ALMS1: variants seen among roughly 807,000 people sequenced by gnomAD.
ALMS1 encodes the protein centrosome-associated protein ALMS1.
ALMS1 carries 271 observed loss-of-function variants against 352.2 expected under a neutral mutation model. The observed-to-expected ratio is 0.77, with a 90% CI of 0.70 to 0.85. ALMS1 has a LOEUF of 0.85. Among genes scored for constraint, ALMS1 ranks in the 40% least tolerant of loss-of-function variants. The pLI is 0.00. For synonymous variants in ALMS1, 1,865 were observed against 1,761.2 expected (o/e 1.06, Z -1.48); for missense variants, 5,445 against 4,870.7 (o/e 1.12, Z -3.51).
chr2:73,496,167 A>G (rs182749625), intron 10 of ALMS1, among the ~76,000 whole-genome samples: 5 of 152,272 alleles, frequency 3.3e-5, no homozygotes, highest in Admixed American at 6.5e-5. Flanking sequence ...GTGCTTTACA[A>G]TTCTATCCAT....
At chr2:73,494,999 AAGG>A (rs1302557159) in intron 10 of ALMS1, among the ~76,000 whole-genome samples, 1 of 152,118 alleles carries the variant, frequency 6.6e-6, no homozygotes, top group Non-Finnish European at 1.5e-5. Flanking sequence ...ATTCTTCTGT[AAGG>A]AGAATTGTTC....
chr2:73,554,231 C>CAA (rs772330546), intron 13 of ALMS1, among the ~76,000 whole-genome samples: 2 of 91,368 alleles, frequency 2.2e-5, no homozygotes. Context: ...AATTCCAGGA[C>CAA]AAAAAAAAAA....
chr2:73,399,972 T>C (rs1670841261), intron 1 of ALMS1, among the ~76,000 whole-genome samples: 1 of 146,824 alleles, frequency 6.8e-6, no homozygotes, highest in Admixed American at 7.1e-5. Context: ...GGGTCTGGCG[T>C]TGTCACCCAG....
chr2:73,417,418 C>A (rs867908651), intron 2 of ALMS1, among the ~76,000 whole-genome samples: 1 of 152,078 alleles, frequency 6.6e-6, no homozygotes, highest in Non-Finnish European at 1.5e-5. Context: ...AAATACAGAA[C>A]AACGTTATGA....
intron 1 of ALMS1, among the ~76,000 whole-genome samples, chr2:73,407,867 TTGTC>T (rs1006060842): frequency 2.6e-5 from 4 of 152,282 alleles, no homozygotes; most frequent in East Asian, 1.9e-4. Context: ...GTATCTTTCT[TTGTC>T]TGTTCGAGGA....
chr2:73,439,582 C>T (rs1281760678), intron 7 of ALMS1, among the ~76,000 whole-genome samples: 1 of 152,166 alleles, frequency 6.6e-6, no homozygotes, highest in African/African-American at 2.4e-5. Context: ...TGCTCTGTCA[C>T]CAGGCTGGAG....
chr2:73,449,786 A>T lies in ALMS1; in HGVS notation c.3259A>T (p.Thr1087Ser). 2 of 1,614,120 alleles carry T rather than the reference A, an allele frequency of 1.2e-6. No individual in the cohort carries two copies. The highest frequency in any genetic ancestry group is 1.7e-6 in the Non-Finnish European group (2 of 1,179,982). The change falls in exon 8 of 23, where the codon ACT (threonine) becomes TCT (serine). Residue 1087 changes from threonine (T) to serine (S), a missense_variant. By Grantham distance (58) the Thr-to-Ser change is moderately conservative. Transcript: ENST00000613296. Reference sequence around the variant, plus strand: ...CTTCCCTGGACCAGCTGACCAGATGACTGACACACCAGCAGTACCGTCTAC... The same window carrying T: ...CTTCCCTGGACCAGCTGACCAGATGTCTGACACACCAGCAGTACCGTCTAC... ...SAFPGPADQMTDTPAVPSTFY... is the reference protein window; with the variant it reads ...SAFPGPADQMSDTPAVPSTFY...
intron 9 of ALMS1, chr2:73,459,551 T>C (rs1572942655): frequency 1.3e-5 from 2 of 152,310 alleles, no homozygotes; most frequent in Middle Eastern, 6.8e-3. Flanking sequence ...TCCATTTATT[T>C]ATTTATATCA....
At position 73,489,854 on chromosome 2, in the gene ALMS1, C is replaced by G. The variant is rs1311004798; in HGVS notation, c.7895C>G (p.Ser2632Cys). ...CRAKHVNLSASLDQNNSHFKV... is the reference protein window; with the variant it reads ...CRAKHVNLSACLDQNNSHFKV... ...GCCAAGCATGTCAACCTTTCTGCAT[C>G]CTTAGACCAGAACAACTCCCATTTC... Residue 2632 changes from serine (S) to cysteine (C), a missense_variant, in exon 10 of 23, where the codon TCC (serine) becomes TGC (cysteine). Coordinates refer to ENST00000613296, the MANE Select transcript of ALMS1 (RefSeq NM_001378454.1). 1 of 1,614,184 alleles carries G rather than the reference C, an allele frequency of 6.2e-7. No homozygotes were observed. The highest frequency in any genetic ancestry group is 8.5e-7 in the Non-Finnish European group (1 of 1,180,040).
chr2:73,406,874 G>C (rs1287847097), intron 1 of ALMS1, among the ~76,000 whole-genome samples: 1 of 152,144 alleles, frequency 6.6e-6, no homozygotes, highest in Non-Finnish European at 1.5e-5. Context: ...TGATCCACTT[G>C]CCTTGCCTCC....
intron 17 of ALMS1, 110 bp from the exon 18 acceptor site, chr2:73,600,568 A>C: frequency 9.8e-7 from 1 of 1,016,678 alleles, no homozygotes; most frequent in Non-Finnish European, 1.4e-6. Flanking sequence ...ATCCCACACA[A>C]AGGGATTGTA....
intron 6 of ALMS1, 93 bp downstream of exon 6, chr2:73,426,646 CT>C: frequency 7.6e-7 from 1 of 1,318,994 alleles, no homozygotes; most frequent in South Asian, 1.2e-5. Context: ...TTACTTTTTA[CT>C]GTTTCCTGGG....
chr2:73,544,845 A>G (rs1410076789), intron 12 of ALMS1, among the ~76,000 whole-genome samples: 1 of 152,188 alleles, frequency 6.6e-6, no homozygotes, highest in Admixed American at 6.6e-5. Flanking sequence ...AATGTGACAT[A>G]TATGTGTAAT....
At chr2:73,493,889 T>C (rs533227349) in intron 10 of ALMS1, among the ~76,000 whole-genome samples, 54 of 152,322 alleles carry the variant, frequency 3.5e-4, no homozygotes, top group African/African-American at 1.1e-3. Flanking sequence ...CCCTGAAATA[T>C]AGCAACTTAA....
At chr2:73,496,304 G>A (rs1394123736) in intron 10 of ALMS1, among the ~76,000 whole-genome samples, 1 of 152,108 alleles carries the variant, frequency 6.6e-6, no homozygotes, top group Non-Finnish European at 1.5e-5. Context: ...TTAGAGTTTT[G>A]CCTTTCTAGA....
chr2:73,464,048 C>T (rs1572946940), intron 9 of ALMS1, among the ~76,000 whole-genome samples: 1 of 152,214 alleles, frequency 6.6e-6, no homozygotes, highest in Admixed American at 6.5e-5. Flanking sequence ...CCTTCTGAAA[C>T]TATTCCAATC....
chr2:73,466,567 A>G lies in ALMS1; in HGVS notation c.7674+11272A>G, dbSNP rs1004631925. ...AATGACGAGTTAATGGGTGCAGCAC[A>G]CCAACATGGCACTTGTATACATATG... is the stretch of plus-strand genomic sequence containing the variant. On this transcript the variant is annotated intron_variant, in intron 9 of 22. Coordinates refer to ENST00000613296, the MANE Select transcript of ALMS1 (RefSeq NM_001378454.1). Among the ~76,000 whole-genome samples the G allele has an allele frequency of 2.6e-4, 39 of 152,152 alleles. No individual in the cohort carries two copies. The South Asian group carries it at 6.9e-3, about 27-fold the overall frequency.
intron 1 of ALMS1, among the ~76,000 whole-genome samples, chr2:73,387,977 T>A (rs1339456321): frequency 6.6e-6 from 1 of 152,042 alleles, no homozygotes; most frequent in Non-Finnish European, 1.5e-5. Flanking sequence ...TAGGTTATTG[T>A]TTGAATGGTT....
At chr2:73,485,552 A>G (rs1406456828) in intron 9 of ALMS1, among the ~76,000 whole-genome samples, 1 of 152,200 alleles carries the variant, frequency 6.6e-6, no homozygotes, top group African/African-American at 2.4e-5. Flanking sequence ...TCCTCCAGAG[A>G]TGTAGCCTAC....
Sources: allele counts gnomAD v4.1 joint callset (sites outside exome capture counted in the v4.1 genomes callset), GRCh38; gene constraint gnomAD v4.1.1; transcripts MANE v1.5; gene names NCBI Gene and HGNC (gene_info 2026-07-23, HGNC 2026-07-21).